FAM177B: variants seen among roughly 807,000 people sequenced by gnomAD.
The protein encoded by FAM177B is protein FAM177B.
A neutral mutation model predicts 16.1 loss-of-function variants in FAM177B; 16 were observed. That is an observed-to-expected ratio of 0.99 (90% confidence interval 0.67 to 1.51). The LOEUF is 1.51. FAM177B is among the 40% of genes most tolerant of loss of function. The probability of loss-of-function intolerance (pLI) is 0.00; values close to 1 mark genes in which losing one functional copy is unlikely to be tolerated. For missense variants in FAM177B, 178 were observed against 183.7 expected (o/e 0.97, Z 0.18); for synonymous variants, 56 against 59.9 (o/e 0.93, Z 0.30).
rs1658995041 is a variant in FAM177B, at chr1:222,750,285, C to T, written c.*227C>T. The T allele has an allele frequency of 1.5e-6, 2 of 1,338,622 alleles. No homozygotes were observed. Among genetic ancestry groups the T allele is most frequent in the African/African-American group, 3.0e-5 (2 of 67,748 alleles). 82.9% of individuals were successfully genotyped at this position (1,338,622 alleles called of 1,614,324 possible). A position where few individuals can be genotyped will look rare whatever the true frequency, so the allele number is the denominator to read the frequency against. ...TTTGGACACTTTCTCAGAATAATTT[C>T]TATATTCAAGCCACCCCACCTCAAC... On this transcript the variant is annotated 3_prime_UTR_variant, in exon 6 of 6. Coordinates refer to ENST00000445590, the MANE Select transcript of FAM177B (RefSeq NM_001394345.1).
rs1228330468 is a variant in FAM177B, at chr1:222,749,984, A to C, written c.403A>C (p.Lys135Gln). Residue 135 changes from lysine (K) to glutamine (Q), a missense_variant, in exon 6 of 6, where the codon AAG (lysine) becomes CAG (glutamine). By Grantham distance (53) the Lys-to-Gln change is moderately conservative. Transcript: ENST00000445590. ...KAQAAEVPNE[K>Q]CHLEAGVQEY... ...CCAGGCAGCTGAGGTTCCTAATGAA[A>C]AGTGTCACTTGGAGGCTGGGGTCCA... is the stretch of plus-strand genomic sequence containing the variant. 6.8e-6 allele frequency: 11 copies of C among 1,614,102 alleles called. No homozygotes were observed. Among genetic ancestry groups the C allele is most frequent in the Non-Finnish European group, 9.3e-6 (11 of 1,179,978 alleles).
chr1:222,749,025 A>G (rs1166788838), intron 4 of FAM177B: 1 of 472,200 alleles, frequency 2.1e-6, no homozygotes, highest in Non-Finnish European at 4.4e-6. Context: ...AACTTCTGAG[A>G]AGTCTGTCTG....
chr1:222,748,039 G>T (rs1032916206), intron 4 of FAM177B, among the ~76,000 whole-genome samples: 7 of 152,184 alleles, frequency 4.6e-5, no homozygotes, highest in African/African-American at 1.7e-4. Context: ...CTAGCTTGAG[G>T]ACCATGAAAG....
At position 222,750,475 on chromosome 1, in the gene FAM177B, T is replaced by C; in HGVS notation, c.*417T>C. The C allele has an allele frequency of 1.0e-6, 1 of 993,372 alleles. No individual in the cohort carries two copies. Among genetic ancestry groups the C allele is most frequent in the Non-Finnish European group, 1.2e-6 (1 of 835,588 alleles). 61.5% of individuals were successfully genotyped at this position (993,372 alleles called of 1,614,324 possible). A position where few individuals can be genotyped will look rare whatever the true frequency, so the allele number is the denominator to read the frequency against. ...AGAAGAAAATTTGGGCACCGCAAAGTCTAAATAAATCCCCTTTCAGGATTT... is the reference window on the plus strand; with the variant it reads ...AGAAGAAAATTTGGGCACCGCAAAGCCTAAATAAATCCCCTTTCAGGATTT... On this transcript the variant is annotated 3_prime_UTR_variant, in exon 6 of 6. Transcript: ENST00000445590.
At chr1:222,742,622 C>T (rs1390020676) in intron 2 of FAM177B, 1 of 152,086 alleles carries the variant, frequency 6.6e-6, no homozygotes, top group Middle Eastern at 3.2e-3. Flanking sequence ...CCTATAAGGT[C>T]CTGGATAATT....
At chr1:222,739,773 T>C (rs1312478375) in intron 2 of FAM177B, 2 of 152,146 alleles carry the variant, frequency 1.3e-5, no homozygotes, top group Admixed American at 1.3e-4. Flanking sequence ...ACATCAAAAT[T>C]TGTACTACTT....
Position 222,746,904 on chromosome 1 carries a change from A to C in FAM177B, c.175-111A>C, listed in dbSNP as rs569893766. The C allele has an allele frequency of 5.6e-5, 53 of 942,464 alleles. No individual in the cohort carries two copies. The African/African-American group carries it at 8.2e-4, about 15-fold the overall frequency. The allele number at this position is 942,464 out of a possible 1,614,324, so 58.4% of individuals were successfully genotyped here. ...TCATCTTGGTCTCTTCATCTGTGAG[A>C]GAGAAAATGGAACATATTATATAGA... On this transcript the variant is annotated intron_variant, in intron 3 of 5. Transcript: ENST00000445590.
chr1:222,746,522 A>G lies in FAM177B; in HGVS notation c.-15-9A>G. On this transcript the variant is annotated splice_polypyrimidine_tract_variant and intron_variant, in intron 2 of 5. Transcript: ENST00000445590. The stretch of plus-strand genomic sequence containing the variant: ...CTTGCCCTAAGGTGCCCTGTTTTTA[A>G]TTTTCTAGTTGTTTTGTTTCATTAT... 1 of 1,547,036 alleles carries G rather than the reference A, an allele frequency of 6.5e-7. No homozygotes were observed. Among genetic ancestry groups the G allele is most frequent in the Non-Finnish European group, 8.8e-7 (1 of 1,135,036 alleles).
At chr1:222,747,163 T>G in intron 4 of FAM177B, 82 bp downstream of exon 4, 2 of 938,974 alleles carry the variant, frequency 2.1e-6, no homozygotes, top group Non-Finnish European at 3.5e-6. Flanking sequence ...GGACTTCCAA[T>G]TGTGTAAGCC....
intron 4 of FAM177B, 114 bp downstream of exon 4, chr1:222,747,195 G>A (rs1215078089): frequency 1.1e-5 from 8 of 749,208 alleles, no homozygotes; most frequent in Non-Finnish European, 1.9e-5. Context: ...TCCTGAATAA[G>A]TGAGATCTGG....
At position 222,746,647 on chromosome 1, in the gene FAM177B, G is replaced by A. The variant is rs761368397; in HGVS notation, c.102G>A (p.Met34Ile). Residue 34 changes from methionine to isoleucine, a missense_variant, in exon 3 of 6, where the codon ATG (methionine) becomes ATA (isoleucine). Physicochemically the swap from Met to Ile is conservative, Grantham distance 10. Transcript: ENST00000445590. ...TCCATTTTGTTGACGGAGACATCAT[G>A]GAAGAATATAGCACAGAGGAGGAGG... ...RIIHFVDGDIMEEYSTEEEEE... is the reference protein window; with the variant it reads ...RIIHFVDGDIIEEYSTEEEEE... The A allele has an allele frequency of 6.2e-7, 1 of 1,613,700 alleles. No individual in the cohort carries two copies. The highest frequency in any genetic ancestry group is 8.5e-7 in the Non-Finnish European group (1 of 1,179,632).
At chr1:222,749,443 A>G in intron 4 of FAM177B, 22 bp from the exon 5 acceptor site, 1 of 1,450,604 alleles carries the variant, frequency 6.9e-7, no homozygotes, top group Non-Finnish European at 9.6e-7. Flanking sequence ...CAGTTTACGC[A>G]AGTGCTCGTT....
chr1:222,740,425 A>G (rs1210189119), intron 2 of FAM177B, among the ~76,000 whole-genome samples: 1 of 152,108 alleles, frequency 6.6e-6, no homozygotes, highest in African/African-American at 2.4e-5. Flanking sequence ...TCTTTTGATC[A>G]TGATTTTTCC....
At position 222,750,149 on chromosome 1, in the gene FAM177B, G is replaced by A; in HGVS notation, c.*91G>A. The A allele has an allele frequency of 6.5e-7, 1 of 1,537,654 alleles. No homozygotes were observed. Among genetic ancestry groups the A allele is most frequent in the Non-Finnish European group, 8.7e-7 (1 of 1,147,482 alleles). The stretch of plus-strand genomic sequence containing the variant: ...TCCCTGGATCTGTTCCTTGGCCATT[G>A]ATTACCATGGCAACAACACCAGAGG... On this transcript the variant is annotated 3_prime_UTR_variant, in exon 6 of 6. Transcript: ENST00000445590.
intron 2 of FAM177B, among the ~76,000 whole-genome samples, chr1:222,742,098 G>T (rs563428702): frequency 2.0e-5 from 3 of 151,760 alleles, no homozygotes; most frequent in African/African-American, 4.8e-5. Context: ...GAGCCACAGC[G>T]CCCGGCCTGT....
At chr1:222,745,376 C>T (rs1047150734) in intron 2 of FAM177B, among the ~76,000 whole-genome samples, 1 of 152,136 alleles carries the variant, frequency 6.6e-6, no homozygotes, top group African/African-American at 2.4e-5. Context: ...CTTTGGGAGG[C>T]CAAGGTGGGA....
chr1:222,740,816 C>T (rs749915068), intron 2 of FAM177B, among the ~76,000 whole-genome samples: 15 of 152,068 alleles, frequency 9.9e-5, no homozygotes, highest in Admixed American at 1.3e-4. Flanking sequence ...TCTCCCGCCT[C>T]AGCCTCCCGA....
chr1:222,750,152 T>C lies in FAM177B; in HGVS notation c.*94T>C. 6.5e-7 allele frequency: 1 copy of C among 1,536,032 alleles called. No homozygotes were observed. The highest frequency in any genetic ancestry group is 8.7e-7 in the Non-Finnish European group (1 of 1,146,862). ...CTGGATCTGTTCCTTGGCCATTGAT[T>C]ACCATGGCAACAACACCAGAGGTAG... On this transcript the variant is annotated 3_prime_UTR_variant, in exon 6 of 6. Coordinates refer to ENST00000445590, the MANE Select transcript of FAM177B (RefSeq NM_001394345.1).
In FAM177B at chr1:222,747,044, A is replaced by AT. The variant is rs1177673228; in HGVS notation, c.208dup (p.Trp70LeufsTer14). The AT allele has an allele frequency of 1.2e-6, 2 of 1,612,324 alleles. No individual in the cohort carries two copies. Among genetic ancestry groups the AT allele is most frequent in the Non-Finnish European group, 1.7e-6 (2 of 1,178,532 alleles). Reference sequence around the variant, plus strand: ...AACTTTCCTGGGGGCCCTACCTACGATTTTGGGCAGGACGAATAGCAAGCA... The same window carrying AT: ...AACTTTCCTGGGGGCCCTACCTACGATTTTTGGGCAGGACGAATAGCAAGCA... On this transcript the variant is annotated frameshift_variant, in exon 4 of 6. Coordinates refer to ENST00000445590, the MANE Select transcript of FAM177B (RefSeq NM_001394345.1). LOFTEE classifies it high-confidence loss of function.
Sources: allele counts gnomAD v4.1 joint callset (sites outside exome capture counted in the v4.1 genomes callset), GRCh38; gene constraint gnomAD v4.1.1; transcripts MANE v1.5; gene names NCBI Gene and HGNC (gene_info 2026-07-23, HGNC 2026-07-21).